The following WWOX variants were observed in gnomAD, a reference collection of about 807,000 sequenced individuals.
The protein encoded by WWOX is WW domain containing oxidoreductase.
In WWOX, 69 loss-of-function variants were observed where a neutral mutation model predicts 46.2. The ratio of observed to expected loss-of-function variants is 1.49; its 90% CI spans 1.23 to 1.82. The LOEUF (loss-of-function observed/expected upper bound fraction) is 1.82. Among genes scored for constraint, WWOX ranks in the 40% most tolerant of loss-of-function variants. The pLI is 0.00. For missense variants in WWOX, 919 were observed against 542.6 expected (o/e 1.69, Z -6.89); for synonymous variants, 359 against 202.6 (o/e 1.77, Z -6.56).
intron 8 of WWOX, among the ~76,000 whole-genome samples, chr16:78,639,942 G>A (rs1028424409): frequency 6.6e-6 from 1 of 152,142 alleles, no homozygotes; most frequent in Non-Finnish European, 1.5e-5. Flanking sequence ...GGAGGGAGTG[G>A]GAGGCAGGTG....
chr16:78,389,851 G>C (rs938910073), intron 6 of WWOX, among the ~76,000 whole-genome samples: 1 of 152,190 alleles, frequency 6.6e-6, no homozygotes, highest in African/African-American at 2.4e-5. Context: ...TTGGGTTCAA[G>C]CGATTCTCAT....
At chr16:79,187,140 C>G (rs1384591176) in intron 8 of WWOX, among the ~76,000 whole-genome samples, 1 of 152,118 alleles carries the variant, frequency 6.6e-6, no homozygotes, top group Non-Finnish European at 1.5e-5. Flanking sequence ...GGTTCAAATC[C>G]CAGCTCCACC....
chr16:78,254,758 A>G (rs905485983), intron 5 of WWOX, among the ~76,000 whole-genome samples: 1 of 151,958 alleles, frequency 6.6e-6, no homozygotes, highest in African/African-American at 2.4e-5. Context: ...CGAACTCGCA[A>G]GTTCAAGCGA....
intron 8 of WWOX, among the ~76,000 whole-genome samples, chr16:78,467,487 C>G (rs1197348057): frequency 2.0e-5 from 3 of 152,148 alleles, no homozygotes; most frequent in Non-Finnish European, 4.4e-5. Flanking sequence ...GACCTCTTTT[C>G]ATTGTTCTTT....
intron 8 of WWOX, among the ~76,000 whole-genome samples, chr16:78,752,265 C>G (rs2049500903): frequency 6.6e-6 from 1 of 152,156 alleles, no homozygotes; most frequent in South Asian, 2.1e-4. Context: ...TAGAGACTAT[C>G]AGGTTAAAAC....
intron 8 of WWOX, among the ~76,000 whole-genome samples, chr16:78,726,027 TCTC>T (rs1174946520): frequency 1.3e-5 from 2 of 150,122 alleles, no homozygotes; most frequent in African/African-American, 2.4e-5. Context: ...TCCTTCTAGT[TCTC>T]CTCCTTTCTT....
chr16:78,546,687 G>T (rs570404272), intron 8 of WWOX, among the ~76,000 whole-genome samples: 1 of 152,198 alleles, frequency 6.6e-6, no homozygotes, highest in East Asian at 1.9e-4. Context: ...CTAGGAATCA[G>T]TGTGTTTAAG....
chr16:79,145,773 T>C (rs2050172708), intron 8 of WWOX, among the ~76,000 whole-genome samples: 1 of 152,154 alleles, frequency 6.6e-6, no homozygotes, highest in Non-Finnish European at 1.5e-5. Context: ...AAGGTAAATA[T>C]ATACAAATTA....
chr16:79,038,027 G>C (rs572920540), intron 8 of WWOX, among the ~76,000 whole-genome samples: 5 of 152,116 alleles, frequency 3.3e-5, no homozygotes, highest in African/African-American at 1.2e-4. Flanking sequence ...ATATCTGCCA[G>C]TTCCCCTGTA....
At chr16:78,592,865 A>T (rs1020496837) in intron 8 of WWOX, among the ~76,000 whole-genome samples, 4 of 152,148 alleles carry the variant, frequency 2.6e-5, no homozygotes, top group Admixed American at 1.3e-4. Context: ...CGCTGCCCAG[A>T]ATGACCAGGC....
intron 5 of WWOX, among the ~76,000 whole-genome samples, chr16:78,321,402 ACG>A (rs2080478188): frequency 2.4e-5 from 3 of 125,352 alleles, no homozygotes; most frequent in South Asian, 2.4e-4. Context: ...ACGTATATAT[ACG>A]TATATATATA....
intron 8 of WWOX, among the ~76,000 whole-genome samples, chr16:78,956,353 C>A (rs1344559837): frequency 6.6e-6 from 1 of 152,064 alleles, no homozygotes; most frequent in Non-Finnish European, 1.5e-5. Flanking sequence ...CGGAGTTTCA[C>A]CATGTTGGCC....
chr16:78,466,221 C>T (rs143805835), intron 8 of WWOX, among the ~76,000 whole-genome samples: 11 of 152,032 alleles, frequency 7.2e-5, no homozygotes, highest in African/African-American at 1.2e-4. Flanking sequence ...TTAGTAGAGA[C>T]GGGGTTTCAT....
intron 5 of WWOX, among the ~76,000 whole-genome samples, chr16:78,305,170 A>T (rs531504027): frequency 2.0e-5 from 3 of 152,304 alleles, no homozygotes; most frequent in Admixed American, 6.5e-5. Context: ...GTATTAGGCC[A>T]GGACTTCATA....
intron 8 of WWOX, among the ~76,000 whole-genome samples, chr16:78,836,966 G>A (rs984103740): frequency 6.6e-6 from 1 of 152,150 alleles, no homozygotes; most frequent in African/African-American, 2.4e-5. Context: ...CAGCAGAAGA[G>A]AGAAACAGGG....
At chr16:78,427,094 G>C (rs1245855247) in intron 7 of WWOX, among the ~76,000 whole-genome samples, 1 of 152,194 alleles carries the variant, frequency 6.6e-6, no homozygotes, top group Admixed American at 6.5e-5. Flanking sequence ...GGTACGTGAA[G>C]ACAGTTGCTC....
At chr16:78,739,939 C>T (rs761341451) in intron 8 of WWOX, among the ~76,000 whole-genome samples, 1 of 152,144 alleles carries the variant, frequency 6.6e-6, no homozygotes, top group Non-Finnish European at 1.5e-5. Flanking sequence ...TGCATATACA[C>T]ATTGAACTCA....
chr16:79,087,055 G>T (rs916285156), intron 8 of WWOX, among the ~76,000 whole-genome samples: 2 of 152,214 alleles, frequency 1.3e-5, no homozygotes, highest in African/African-American at 4.8e-5. Flanking sequence ...GGACAGCTCA[G>T]ATGACCCCAA....
intron 4 of WWOX, among the ~76,000 whole-genome samples, chr16:78,139,626 T>G (rs1288672069): frequency 5.3e-5 from 8 of 152,190 alleles, no homozygotes; most frequent in African/African-American, 1.9e-4. Flanking sequence ...GCCCAGGCGA[T>G]AGAGTGAGAC....
Sources: gnomAD v4.1 joint callset for allele counts (sites outside exome capture counted in the v4.1 genomes callset) on GRCh38, gnomAD v4.1.1 for gene constraint, MANE v1.5 for transcripts, NCBI Gene and HGNC (gene_info 2026-07-23, HGNC 2026-07-21) for gene names.